Variants in CLDN10 observed in about 807,000 individuals in gnomAD.
CLDN10 encodes claudin 10, also known as claudin-10.
Under a neutral mutation model 22.9 loss-of-function variants are expected in CLDN10, and 15 were observed. The observed-to-expected ratio is 0.65, with a 90% CI of 0.44 to 1.01. CLDN10 has a LOEUF of 1.01. Ranked by LOEUF, CLDN10 falls within the 50% of genes least tolerant of loss-of-function variation. CLDN10 has a pLI of 0.00. For synonymous variants in CLDN10, 114 were observed against 111.4 expected, an observed-to-expected ratio of 1.02 and a Z score of -0.15; for missense variants, 247 against 287.8, an observed-to-expected ratio of 0.86 and a Z score of 1.03.
At chr13:95,557,410 T>C (rs1453795688) in intron 1 of CLDN10, among the ~76,000 whole-genome samples, 1 of 152,160 alleles carries the variant, frequency 6.6e-6, no homozygotes, top group Non-Finnish European at 1.5e-5. Flanking sequence ...CTCCAATCTG[T>C]GGGTGTTGTA....
At position 95,471,358 on chromosome 13, in the gene CLDN10, A is replaced by ATGTGTGTGTGTG. The variant is rs150912802; in HGVS notation, c.214+37315_214+37326dup. Among the ~76,000 whole-genome samples, 14 of 144,180 alleles carry ATGTGTGTGTGTG rather than the reference A, an allele frequency of 9.7e-5. 1 individual carries two copies. The highest frequency in any genetic ancestry group is 3.6e-4 in the African/African-American group (14 of 39,184). The allele number at this position is 144,180 out of a possible 152,430, so 94.6% of individuals were successfully genotyped here. A position where few individuals can be genotyped will look rare whatever the true frequency, so the allele number is the denominator to read the frequency against. On this transcript the variant is annotated intron_variant, in intron 1 of 4. Coordinates refer to the CLDN10 transcript ENST00000376873. ...CTTCAGCTCTGACTTATGGATATATATGTGTGTGTGTGTGTATATATATAA... is the reference window on the plus strand; with the variant it reads ...CTTCAGCTCTGACTTATGGATATATATGTGTGTGTGTGTGTGTGTGTGTGTGTATATATATAA...
intron 1 of CLDN10, among the ~76,000 whole-genome samples, chr13:95,468,392 C>T (rs2139098029): frequency 6.6e-6 from 1 of 152,222 alleles, no homozygotes; most frequent in East Asian, 1.9e-4. Flanking sequence ...ACCATTTCTC[C>T]AAAGAACCCT....
At chr13:95,577,449 C>T (rs1188034602) in intron 4 of CLDN10, 111 bp downstream of exon 4, 1 of 755,084 alleles carries the variant, frequency 1.3e-6, no homozygotes, top group African/African-American at 1.8e-5. Flanking sequence ...CTTCCAAAAT[C>T]CGGAATTGGA....
At chr13:95,512,924 G>A (rs919104146) in intron 1 of CLDN10, among the ~76,000 whole-genome samples, 4 of 152,078 alleles carry the variant, frequency 2.6e-5, no homozygotes, top group Non-Finnish European at 5.9e-5. Context: ...TGCCCGGGCT[G>A]GAGTCCAGTG....
chr13:95,537,088 C>G (rs1046452469), intron 1 of CLDN10, among the ~76,000 whole-genome samples: 1 of 152,126 alleles, frequency 6.6e-6, no homozygotes, highest in Non-Finnish European at 1.5e-5. Flanking sequence ...AACATTTTTT[C>G]TATTCTGGGT....
At chr13:95,509,203 G>T (rs1385235614) in intron 1 of CLDN10, among the ~76,000 whole-genome samples, 3 of 152,172 alleles carry the variant, frequency 2.0e-5, no homozygotes, top group Non-Finnish European at 4.4e-5. Flanking sequence ...AACTAGAGAT[G>T]ACTCCCAAGT....
At chr13:95,491,379 T>G (rs1343414807) in intron 1 of CLDN10, among the ~76,000 whole-genome samples, 3 of 151,968 alleles carry the variant, frequency 2.0e-5, no homozygotes, top group Non-Finnish European at 4.4e-5. Flanking sequence ...TTCTAGGTCT[T>G]TGTTGGATTG....
intron 1 of CLDN10, among the ~76,000 whole-genome samples, chr13:95,464,728 C>T (rs956756294): frequency 2.1e-5 from 3 of 140,438 alleles, no homozygotes; most frequent in Non-Finnish European, 4.8e-5. Context: ...TTCAAAGATA[C>T]TGTGTTTTTG....
chr13:95,487,928 T>C (rs2042822082), intron 1 of CLDN10, among the ~76,000 whole-genome samples: 1 of 151,982 alleles, frequency 6.6e-6, no homozygotes, highest in South Asian at 2.1e-4. Flanking sequence ...TCCTCCTGTC[T>C]CAGCCTCCCA....
intron 1 of CLDN10, among the ~76,000 whole-genome samples, chr13:95,527,945 C>T (rs17189782): frequency 0.24 from 36,911 of 151,954 alleles, 4,726 homozygotes; most frequent in Middle Eastern, 0.29. Flanking sequence ...GAACCATTGA[C>T]CACTAGGATT....
intron 1 of CLDN10, among the ~76,000 whole-genome samples, chr13:95,500,573 G>A (rs761601535): frequency 4.6e-5 from 7 of 152,106 alleles, no homozygotes; most frequent in Non-Finnish European, 7.4e-5. Context: ...AGGAATGTGT[G>A]GAGGAAGGTA....
At chr13:95,475,813 T>C (rs1429669172) in intron 1 of CLDN10, among the ~76,000 whole-genome samples, 1 of 152,044 alleles carries the variant, frequency 6.6e-6, no homozygotes, top group Non-Finnish European at 1.5e-5. Context: ...TGTCTCTCTC[T>C]GTCCCTCTCT....
intron 1 of CLDN10, among the ~76,000 whole-genome samples, chr13:95,509,330 G>A (rs895970000): frequency 6.6e-6 from 1 of 152,184 alleles, no homozygotes; most frequent in Non-Finnish European, 1.5e-5. Context: ...GTTTACAATG[G>A]CAAGTGTATG....
chr13:95,500,467 A>G lies in CLDN10; in HGVS notation c.215-59665A>G, dbSNP rs142652663. The stretch of plus-strand genomic sequence containing the variant: ...CCTCAAATGGGAGACAACTCACTAC[A>G]TTTGAGGCCAGTGTTGGAGTAGAGT... On this transcript the variant is annotated intron_variant, in intron 1 of 4. Transcript: ENST00000376873. Among the ~76,000 whole-genome samples, 3 of 152,302 alleles carry G rather than the reference A, an allele frequency of 2.0e-5. No individual in the cohort carries two copies. In the East Asian group the frequency reaches 5.8e-4, roughly 29 times the overall value.
At chr13:95,511,834 C>CT (rs2043103957) in intron 1 of CLDN10, among the ~76,000 whole-genome samples, 1 of 50,608 alleles carries the variant, frequency 2.0e-5, no homozygotes, top group African/African-American at 5.8e-5. Context: ...TTTTTTCTGA[C>CT]TTTTTTTCTC....
chr13:95,577,199 A>G, intron 3 of CLDN10, 32 bp from the exon 4 acceptor site: 6 of 1,400,420 alleles, frequency 4.3e-6, no homozygotes, highest in Non-Finnish European at 5.1e-6. Context: ...CAAATAAGTG[A>G]GCTGTAATAC....
At chr13:95,500,301 A>C (rs533623568) in intron 1 of CLDN10, among the ~76,000 whole-genome samples, 1 of 152,344 alleles carries the variant, frequency 6.6e-6, no homozygotes, top group East Asian at 1.9e-4. Context: ...GGTCTAAATA[A>C]GAATGGGAAG....
At chr13:95,521,381 TA>T (rs1326875705) in intron 1 of CLDN10, among the ~76,000 whole-genome samples, 1 of 152,222 alleles carries the variant, frequency 6.6e-6, no homozygotes, top group Non-Finnish European at 1.5e-5. Flanking sequence ...AAGATTTTTA[TA>T]AATCATGAGT....
At chr13:95,522,396 C>G (rs1307959879) in intron 1 of CLDN10, among the ~76,000 whole-genome samples, 2 of 151,828 alleles carry the variant, frequency 1.3e-5, no homozygotes, top group Non-Finnish European at 2.9e-5. Flanking sequence ...TATAACTTTT[C>G]AAATATGTAG....
Sources: gnomAD v4.1 joint callset for allele counts (sites outside exome capture counted in the v4.1 genomes callset) on GRCh38, gnomAD v4.1.1 for gene constraint, MANE v1.5 for transcripts, NCBI Gene and HGNC (gene_info 2026-07-23, HGNC 2026-07-21) for gene names.